TNRC6A: variants seen among roughly 807,000 people sequenced by gnomAD.
The protein encoded by TNRC6A is trinucleotide repeat-containing gene 6A protein.
In TNRC6A, 44 loss-of-function variants were observed where a neutral mutation model predicts 221.2. The observed-to-expected ratio is 0.20, with a 90% CI of 0.16 to 0.26. The LOEUF is 0.26. TNRC6A is among the 10% of genes least tolerant of loss of function. The pLI is 1.00. For missense variants in TNRC6A, 2,199 were observed against 2,404.4 expected, an observed-to-expected ratio of 0.91 and a Z score of 1.79; for synonymous variants, 847 against 838.5, an observed-to-expected ratio of 1.01 and a Z score of -0.18.
intron 1 of TNRC6A, among the ~76,000 whole-genome samples, chr16:24,625,518 G>A (rs1900917878): frequency 6.6e-6 from 1 of 152,162 alleles, no homozygotes; most frequent in East Asian, 1.9e-4. Context: ...GAGGTCAGGA[G>A]ATCGAGACCA....
At chr16:24,761,644 C>G (rs775861595) in intron 4 of TNRC6A, among the ~76,000 whole-genome samples, 1 of 151,838 alleles carries the variant, frequency 6.6e-6, no homozygotes, top group East Asian at 1.9e-4. Context: ...CTTTTGGGCT[C>G]AAGCAATCCT....
intron 2 of TNRC6A, among the ~76,000 whole-genome samples, chr16:24,706,154 A>C (rs2056088934): frequency 6.6e-6 from 1 of 152,222 alleles, no homozygotes; most frequent in Non-Finnish European, 1.5e-5. Context: ...GAAATAAATG[A>C]AAATACACAC....
intron 2 of TNRC6A, among the ~76,000 whole-genome samples, chr16:24,707,266 G>GA (rs2056113790): frequency 6.6e-6 from 1 of 151,832 alleles, no homozygotes; most frequent in Non-Finnish European, 1.5e-5. Context: ...AAAGTGCTAG[G>GA]ATTACAGGCA....
intron 2 of TNRC6A, among the ~76,000 whole-genome samples, chr16:24,651,718 A>G (rs1902675380): frequency 6.6e-6 from 1 of 151,254 alleles, no homozygotes; most frequent in South Asian, 2.1e-4. Context: ...CAAAAGAAAA[A>G]GAAATTTAAA....
chr16:24,620,279 T>A (rs1440334129), intron 1 of TNRC6A, among the ~76,000 whole-genome samples: 3 of 152,174 alleles, frequency 2.0e-5, no homozygotes, highest in African/African-American at 7.2e-5. Context: ...ATAACAATCA[T>A]TGTACCCACC....
intron 4 of TNRC6A, among the ~76,000 whole-genome samples, chr16:24,758,954 C>T (rs543417881): frequency 6.6e-6 from 1 of 152,182 alleles, no homozygotes; most frequent in Non-Finnish European, 1.5e-5. Flanking sequence ...TCTTCACCCT[C>T]CCAGGAGCTA....
chr16:24,759,093 TG>T (rs1476747988), intron 4 of TNRC6A, among the ~76,000 whole-genome samples: 1 of 152,040 alleles, frequency 6.6e-6, no homozygotes, highest in African/African-American at 2.4e-5. Flanking sequence ...AGGAATGAAA[TG>T]GTTCAAAGAA....
intron 1 of TNRC6A, among the ~76,000 whole-genome samples, chr16:24,621,211 A>G (rs1337286105): frequency 2.6e-5 from 4 of 151,846 alleles, no homozygotes; most frequent in Admixed American, 6.6e-5. Context: ...GTGCTTAAGC[A>G]TTTCACAAAT....
intron 3 of TNRC6A, 78 bp downstream of exon 3, chr16:24,750,891 G>A: frequency 7.9e-7 from 1 of 1,262,348 alleles, no homozygotes; most frequent in South Asian, 2.7e-5. Context: ...AGATTTTGAA[G>A]GCATTTATTT....
chr16:24,675,736 A>G (rs895235974), intron 2 of TNRC6A, among the ~76,000 whole-genome samples: 1 of 127,714 alleles, frequency 7.8e-6, no homozygotes, highest in East Asian at 2.2e-4. Flanking sequence ...ATATATATAT[A>G]TATATGCACA....
intron 11 of TNRC6A, among the ~76,000 whole-genome samples, chr16:24,799,055 A>G (rs1200390733): frequency 6.6e-6 from 1 of 152,206 alleles, no homozygotes; most frequent in Admixed American, 6.5e-5. Flanking sequence ...GAGCTACCAG[A>G]GGGCATGCTG....
chr16:24,628,424 A>C (rs1005221597), intron 1 of TNRC6A, among the ~76,000 whole-genome samples: 1 of 152,032 alleles, frequency 6.6e-6, no homozygotes, highest in Non-Finnish European at 1.5e-5. Flanking sequence ...CATCTCAAAA[A>C]AAAGAAAAAA....
chr16:24,806,824 G>A, intron 17 of TNRC6A, 40 bp downstream of exon 17: 13 of 1,591,858 alleles, frequency 8.2e-6, no homozygotes, highest in Non-Finnish European at 1.1e-5. Context: ...CTGATGCTTA[G>A]GTATCACAGG....
intron 2 of TNRC6A, among the ~76,000 whole-genome samples, chr16:24,735,266 G>C (rs924531938): frequency 6.6e-6 from 1 of 152,138 alleles, no homozygotes; most frequent in Non-Finnish European, 1.5e-5. Flanking sequence ...GCAACAGAGT[G>C]AAACTCTGTT....
chr16:24,770,937 A>C (rs2057577632), intron 4 of TNRC6A, among the ~76,000 whole-genome samples: 1 of 152,158 alleles, frequency 6.6e-6, no homozygotes, highest in Non-Finnish European at 1.5e-5. Context: ...TAACAGGAAG[A>C]CTTTATTTGC....
chr16:24,816,918 C>T lies in TNRC6A; in HGVS notation c.4934C>T (p.Thr1645Ile). 1 of 1,614,092 alleles carries T rather than the reference C, an allele frequency of 6.2e-7. No homozygotes were observed. Among genetic ancestry groups the T allele is most frequent in the Non-Finnish European group, 8.5e-7 (1 of 1,180,020 alleles). ...GSVINNLSIN[T>I]VREVDHLRDR... Reference sequence around the variant, plus strand: ...GTCATAAACAATCTTTCAATTAATACTGTGCGGGAAGTTGACCACCTCAGG... The same window carrying T: ...GTCATAAACAATCTTTCAATTAATATTGTGCGGGAAGTTGACCACCTCAGG... Residue 1645 changes from threonine to isoleucine, a missense_variant, in exon 20 of 25, where the codon ACT becomes ATT. Coordinates refer to ENST00000395799, the MANE Select transcript of TNRC6A (RefSeq NM_014494.4).
intron 2 of TNRC6A, chr16:24,663,774 G>A: frequency 2.7e-6 from 1 of 373,552 alleles, no homozygotes; most frequent in South Asian, 2.0e-5. Context: ...GTTACCCAGT[G>A]TCCAGCCCCT....
chr16:24,717,993 G>C (rs980642519), intron 2 of TNRC6A, among the ~76,000 whole-genome samples: 1 of 151,958 alleles, frequency 6.6e-6, no homozygotes, highest in Non-Finnish European at 1.5e-5. Context: ...GGCCAGGCTG[G>C]TCTCGAACTC....
intron 2 of TNRC6A, among the ~76,000 whole-genome samples, chr16:24,707,285 C>T (rs935652602): frequency 2.6e-5 from 4 of 151,780 alleles, no homozygotes; most frequent in Admixed American, 6.6e-5. Context: ...CATGTGCCAC[C>T]GCATCCAGCC....
Sources: allele counts gnomAD v4.1 joint callset (sites outside exome capture counted in the v4.1 genomes callset), GRCh38; gene constraint gnomAD v4.1.1; transcripts MANE v1.5; gene names NCBI Gene and HGNC (gene_info 2026-07-23, HGNC 2026-07-21).